CBLIF: variants seen among roughly 807,000 people sequenced by gnomAD.
The protein encoded by CBLIF is cobalamin binding intrinsic factor, also known as gastric intrinsic factor (vitamin B synthesis).
Under a neutral mutation model 44.9 loss-of-function variants are expected in CBLIF, and 24 were observed. That is an observed-to-expected ratio of 0.53 (90% confidence interval 0.39 to 0.75). The LOEUF (loss-of-function observed/expected upper bound fraction) is 0.75. CBLIF is among the 30% of genes least tolerant of loss of function. CBLIF has a pLI of 0.00. For synonymous variants in CBLIF, 183 were observed against 190.9 expected, an observed-to-expected ratio of 0.96 and a Z score of 0.34; for missense variants, 481 against 513.0, an observed-to-expected ratio of 0.94 and a Z score of 0.60.
chr11:59,832,560 G>A (rs1866387376), intron 7 of CBLIF, among the ~76,000 whole-genome samples: 1 of 152,174 alleles, frequency 6.6e-6, no homozygotes, highest in African/African-American at 2.4e-5. Context: ...GGCTGAAGAG[G>A]GCAGATTGCT....
At chr11:59,843,784 G>A in intron 2 of CBLIF, 95 bp downstream of exon 2, 1 of 896,976 alleles carries the variant, frequency 1.1e-6, no homozygotes, top group Non-Finnish European at 1.9e-6. Flanking sequence ...ACAGTCAGAG[G>A]CAGCATTGGG....
chr11:59,841,096 A>G, intron 5 of CBLIF, 47 bp downstream of exon 5: 1 of 1,387,036 alleles, frequency 7.2e-7, no homozygotes, highest in Non-Finnish European at 1.0e-6. Context: ...TCTGCAATCC[A>G]GGCTTATTGG....
At chr11:59,829,568 A>G in intron 8 of CBLIF, 23 bp from the exon 9 acceptor site, 2 of 1,527,752 alleles carry the variant, frequency 1.3e-6, no homozygotes, top group Non-Finnish European at 1.8e-6. Flanking sequence ...AGAGAATAAC[A>G]TGAGGTGACT....
At chr11:59,837,104 A>C in intron 6 of CBLIF, 70 bp downstream of exon 6, 1 of 1,195,522 alleles carries the variant, frequency 8.4e-7, no homozygotes, top group Non-Finnish European at 1.3e-6. Flanking sequence ...TATGCCACTT[A>C]ACATTGATCC....
At position 59,845,362 on chromosome 11, in the gene CBLIF, ACAT is replaced by A. The variant is rs753116742; in HGVS notation, c.79+10_79+12del. On this transcript the variant is annotated intron_variant, in intron 1 of 8. Transcript: ENST00000257248. ...CTGCTTCCCTGACCTCCTTGGAAAA[ACAT>A]CATACTCACAGCATGAACTCTGGGT... 9 of 1,610,154 alleles carry A rather than the reference ACAT, an allele frequency of 5.6e-6. No individual in the cohort carries two copies. In the African/African-American group the frequency reaches 6.7e-5, roughly 12 times the overall value.
At chr11:59,840,064 CTATTTT>C (rs1161124140) in intron 5 of CBLIF, among the ~76,000 whole-genome samples, 1 of 151,262 alleles carries the variant, frequency 6.6e-6, no homozygotes, top group African/African-American at 2.4e-5. Flanking sequence ...GAAATGAACT[CTATTTT>C]TATTAGTCAC....
At position 59,845,390 on chromosome 11, in the gene CBLIF, T is replaced by G; in HGVS notation, c.64A>C (p.Thr22Pro). ...TCATACTCACAGCATGAACTCTGGG[T>G]CTGGGTACTAGTCCCAGCTGTAGCC... Reference protein sequence around the residue: ...LWATAGTSTQTQSSCSVPSAQ... With the variant: ...LWATAGTSTQPQSSCSVPSAQ... The change falls in exon 1 of 9, where the codon ACC becomes CCC. Residue 22 changes from threonine (T) to proline (P), a missense_variant. By Grantham distance (38) the Thr-to-Pro change is conservative. Transcript: ENST00000257248. 1 of 1,611,336 alleles carries G rather than the reference T, an allele frequency of 6.2e-7. No individual in the cohort carries two copies. Among genetic ancestry groups the G allele is most frequent in the South Asian group, 1.1e-5 (1 of 91,024 alleles).
intron 6 of CBLIF, among the ~76,000 whole-genome samples, chr11:59,836,741 T>A (rs1220667616): frequency 6.6e-6 from 1 of 152,214 alleles, no homozygotes; most frequent in African/African-American, 2.4e-5. Flanking sequence ...TAACTTCTAT[T>A]TAATACTTAC....
chr11:59,841,038 A>C (rs1049958915), intron 5 of CBLIF, 105 bp downstream of exon 5: 7 of 865,714 alleles, frequency 8.1e-6, no homozygotes, highest in Non-Finnish European at 1.4e-5. Context: ...CTCAGGTCAT[A>C]CTAGCTGGAC....
Position 59,831,705 on chromosome 11 carries a change from G to C in CBLIF, c.1165C>G (p.Leu389Val). 6.3e-7 allele frequency: 1 copy of C among 1,577,502 alleles called. No homozygotes were observed. Among genetic ancestry groups the C allele is most frequent in the South Asian group, 1.1e-5 (1 of 90,282 alleles). The change falls in exon 8 of 9, where the codon CTT becomes GTT. Residue 389 changes from leucine (L) to valine (V), a missense_variant. Physicochemically the swap from Leu to Val is conservative, Grantham distance 32. Coordinates refer to ENST00000257248, the MANE Select transcript of CBLIF (RefSeq NM_005142.3). ...NVNHKTYWQF[L>V]SGVTPLNEGV... ...TCATTCAAAGGTGTTACACCACTAAGAAACTGCCAGTATGTCTTGTGATTA... is the reference window on the plus strand; with the variant it reads ...TCATTCAAAGGTGTTACACCACTAACAAACTGCCAGTATGTCTTGTGATTA...
At chr11:59,831,230 C>T (rs1866369036) in intron 8 of CBLIF, among the ~76,000 whole-genome samples, 1 of 152,208 alleles carries the variant, frequency 6.6e-6, no homozygotes, top group African/African-American at 2.4e-5. Flanking sequence ...CATGCACCAA[C>T]ATCCATATGC....
intron 5 of CBLIF, among the ~76,000 whole-genome samples, chr11:59,837,579 C>A (rs1866472298): frequency 6.6e-6 from 1 of 152,194 alleles, no homozygotes; most frequent in Non-Finnish European, 1.5e-5. Flanking sequence ...GTGCAATGAT[C>A]AGATCCAGGG....
At chr11:59,839,222 T>A (rs1261356043) in intron 5 of CBLIF, among the ~76,000 whole-genome samples, 2 of 152,154 alleles carry the variant, frequency 1.3e-5, no homozygotes, top group African/African-American at 4.8e-5. Context: ...GGAAGAAAGA[T>A]GAGAAGTTCT....
intron 7 of CBLIF, among the ~76,000 whole-genome samples, chr11:59,833,513 G>T (rs1335098951): frequency 6.9e-6 from 1 of 145,204 alleles, no homozygotes; most frequent in Non-Finnish European, 1.5e-5. Flanking sequence ...GCAAAACTCT[G>T]TCTCAAAAAA....
rs1277245311 is a variant in CBLIF, at chr11:59,837,214, G to A, written c.831C>T (p.Gly277=). The A allele has an allele frequency of 6.2e-7, 1 of 1,614,034 alleles. No homozygotes were observed. Among genetic ancestry groups the A allele is most frequent in the Non-Finnish European group, 8.5e-7 (1 of 1,179,872 alleles). Residue 277 remains glycine, a synonymous_variant, in exon 6 of 9, where the codon GGC becomes GGT. Transcript: ENST00000257248. The part of the protein sequence containing the change: ...SIAQILPSLK[G]KTYLDVPQVT... Reference sequence around the variant, plus strand: ...CCTGGGGCACATCTAGGTATGTCTTGCCTTTCAGGGAAGGGAGGATTTGAG... The same window carrying A: ...CCTGGGGCACATCTAGGTATGTCTTACCTTTCAGGGAAGGGAGGATTTGAG...
chr11:59,829,540 C>A lies in CBLIF; in HGVS notation c.1198G>T (p.Ala400Ser), dbSNP rs1866340576. The A allele has an allele frequency of 6.2e-7, 1 of 1,603,872 alleles. No individual in the cohort carries two copies. Residue 400 changes from alanine (A) to serine (S), a missense_variant, in exon 9 of 9, where the codon GCT becomes TCT. By Grantham distance (99) the Ala-to-Ser change is moderately conservative. Coordinates refer to ENST00000257248, the MANE Select transcript of CBLIF (RefSeq NM_005142.3). ...TCGTGGTTGAAGGGTATGTAGTCAG[C>A]AACCCCTGGAAATAAGCAGAGAATA... ...SGVTPLNEGV[A>S]DYIPFNHEHI...
intron 7 of CBLIF, among the ~76,000 whole-genome samples, chr11:59,833,687 C>T (rs1295485823): frequency 1.3e-5 from 2 of 152,082 alleles, no homozygotes; most frequent in Non-Finnish European, 2.9e-5. Context: ...ATTCCTTAGC[C>T]TTTGTCAGTA....
At chr11:59,844,142 C>G (rs1377334810) in intron 1 of CBLIF, 87 bp from the exon 2 acceptor site, 1 of 1,129,254 alleles carries the variant, frequency 8.9e-7, no homozygotes, top group East Asian at 2.4e-5. Context: ...CTTTTTCTTT[C>G]TTTCTTTTTT....
chr11:59,845,049 G>T (rs1434577549), intron 1 of CBLIF, among the ~76,000 whole-genome samples: 3 of 151,894 alleles, frequency 2.0e-5, no homozygotes, highest in South Asian at 2.1e-4. Flanking sequence ...TTTTTGTAGA[G>T]ATGGAGTCTC....
Sources: allele counts gnomAD v4.1 joint callset (sites outside exome capture counted in the v4.1 genomes callset), GRCh38; gene constraint gnomAD v4.1.1; transcripts MANE v1.5; gene names NCBI Gene and HGNC (gene_info 2026-07-23, HGNC 2026-07-21).